Variants in ZNF516 observed in about 807,000 individuals in gnomAD.
ZNF516 encodes the protein zinc finger protein 516.
Under a neutral mutation model 79.7 loss-of-function variants are expected in ZNF516, and 19 were observed. The ratio of observed to expected loss-of-function variants is 0.24; its 90% CI spans 0.17 to 0.35. The LOEUF is 0.35. ZNF516 is among the 10% of genes least tolerant of loss of function. The probability of loss-of-function intolerance (pLI) is 1.00; values close to 1 mark genes in which losing one functional copy is unlikely to be tolerated. For synonymous variants in ZNF516, 877 were observed against 739.5 expected, an observed-to-expected ratio of 1.19 and a Z score of -3.02; for missense variants, 1,678 against 1,679.5, an observed-to-expected ratio of 1.00 and a Z score of 0.02.
chr18:76,491,913 G>C (rs981681484), intron 1 of ZNF516, among the ~76,000 whole-genome samples: 1 of 152,222 alleles, frequency 6.6e-6, no homozygotes. Flanking sequence ...GGTGGAACTC[G>C]GGCTGGGGGG....
rs1226441099 is a variant in ZNF516 at position 76,358,774 on chromosome 18, C to CT, written c.*3723dup. Reference sequence around the variant, plus strand: ...CTGGGGGTGGCAGAGGAGGGTTTGTCTAGTTTGAAGGAAGGAATGTTGGTA... The same window carrying CT: ...CTGGGGGTGGCAGAGGAGGGTTTGTCTTAGTTTGAAGGAAGGAATGTTGGTA... On this transcript the variant is annotated 3_prime_UTR_variant, in exon 7 of 7. Coordinates refer to ENST00000443185, the MANE Select transcript of ZNF516 (RefSeq NM_014643.4). The CT allele has an allele frequency of 6.6e-6, 1 of 152,152 alleles. No homozygotes were observed. The highest frequency in any genetic ancestry group is 1.9e-4 in the East Asian group (1 of 5,200). The allele number at this position is 152,152 out of a possible 1,614,324, so 9.4% of individuals were successfully genotyped here. A position where few individuals can be genotyped will look rare whatever the true frequency, so the allele number is the denominator to read the frequency against.
intron 1 of ZNF516, among the ~76,000 whole-genome samples, chr18:76,480,764 C>T (rs985024581): frequency 1.3e-5 from 2 of 152,106 alleles, no homozygotes; most frequent in Non-Finnish European, 2.9e-5. Context: ...TCAAGTGATC[C>T]GCCCACCTCG....
chr18:76,402,606 C>T (rs191241347), intron 3 of ZNF516, among the ~76,000 whole-genome samples: 1 of 152,348 alleles, frequency 6.6e-6, no homozygotes, highest in Admixed American at 6.5e-5. Flanking sequence ...CGGGCACTCA[C>T]GGACAGTCGT....
rs2144852187 is a variant in ZNF516 at position 76,361,047 on chromosome 18, A to G, written c.*1451T>C. ...TAAAATTATTGCTTTTTTGAAAAATATATTTAGCATGCTCGTTTTAATCCA... is the reference window on the plus strand; with the variant it reads ...TAAAATTATTGCTTTTTTGAAAAATGTATTTAGCATGCTCGTTTTAATCCA... On this transcript the variant is annotated 3_prime_UTR_variant, in exon 7 of 7. Coordinates refer to ENST00000443185, the MANE Select transcript of ZNF516 (RefSeq NM_014643.4). 1 of 152,074 alleles carries G rather than the reference A, an allele frequency of 6.6e-6. No homozygotes were observed. The highest frequency in any genetic ancestry group is 3.4e-3 in the Middle Eastern group (1 of 294). 9.4% of individuals were successfully genotyped at this position (152,074 alleles called of 1,614,324 possible).
chr18:76,365,149 T>A (rs1568227804), intron 6 of ZNF516, among the ~76,000 whole-genome samples: 3 of 152,356 alleles, frequency 2.0e-5, no homozygotes, highest in Non-Finnish European at 4.4e-5. Context: ...TAGGTCGCCA[T>A]TTGTTTTTTC....
intron 2 of ZNF516, among the ~76,000 whole-genome samples, chr18:76,452,182 C>T (rs1234818613): frequency 3.3e-5 from 5 of 152,208 alleles, no homozygotes; most frequent in African/African-American, 7.2e-5. Context: ...CCAGCAGCAA[C>T]GCGGCCCCCT....
Position 76,363,602 on chromosome 18 carries a change from C to A in ZNF516, c.3433-1045G>T, listed in dbSNP as rs148379427. Among the ~76,000 whole-genome samples, 3 of 152,198 alleles carry A rather than the reference C, an allele frequency of 2.0e-5. No homozygotes were observed. In the East Asian group the frequency reaches 5.8e-4, roughly 29 times the overall value. ...AGCAGTTTATTTGAAATGTAGGAAA[C>A]AGTAATGGAATGAGAGATGTGATAA... On this transcript the variant is annotated intron_variant, in intron 6 of 6. Coordinates refer to ENST00000443185, the MANE Select transcript of ZNF516 (RefSeq NM_014643.4).
chr18:76,439,306 T>C (rs937127651), intron 3 of ZNF516, among the ~76,000 whole-genome samples: 55 of 152,232 alleles, frequency 3.6e-4, no homozygotes, highest in African/African-American at 1.3e-3. Flanking sequence ...GATAGAAAGA[T>C]ACTGTCCTTT....
At chr18:76,479,670 T>C (rs747776737) in intron 1 of ZNF516, among the ~76,000 whole-genome samples, 6 of 152,244 alleles carry the variant, frequency 3.9e-5, no homozygotes, top group Non-Finnish European at 8.8e-5. Context: ...AGTTATCAAA[T>C]GCTGCACCAG....
chr18:76,400,101 G>A (rs1350840760), intron 3 of ZNF516, among the ~76,000 whole-genome samples: 1 of 152,120 alleles, frequency 6.6e-6, no homozygotes, highest in East Asian at 1.9e-4. Context: ...AGCAAACTCA[G>A]GCAGGAGGGT....
intron 1 of ZNF516, among the ~76,000 whole-genome samples, chr18:76,494,237 T>TCTA (rs1409428174): frequency 1.3e-5 from 2 of 152,226 alleles, no homozygotes; most frequent in African/African-American, 4.8e-5. Flanking sequence ...TTAATCTAAA[T>TCTA]ACTGATCGTA....
chr18:76,481,586 C>T (rs1914524834), intron 1 of ZNF516, among the ~76,000 whole-genome samples: 2 of 152,186 alleles, frequency 1.3e-5, no homozygotes, highest in African/African-American at 4.8e-5. Context: ...TGAAGTTACT[C>T]ACCTGTGCAG....
At chr18:76,373,916 G>A (rs2074746967) in intron 4 of ZNF516, among the ~76,000 whole-genome samples, 1 of 152,246 alleles carries the variant, frequency 6.6e-6, no homozygotes. Flanking sequence ...AGACCACCTG[G>A]TAAGCACGCA....
intron 6 of ZNF516, among the ~76,000 whole-genome samples, chr18:76,363,216 C>A (rs1257499456): frequency 6.6e-6 from 1 of 152,208 alleles, no homozygotes; most frequent in African/African-American, 2.4e-5. Flanking sequence ...ATAGCATTTA[C>A]AATCTGAGGA....
At chr18:76,483,517 C>G (rs1735442987) in intron 1 of ZNF516, among the ~76,000 whole-genome samples, 2 of 152,278 alleles carry the variant, frequency 1.3e-5, no homozygotes, top group Admixed American at 6.5e-5. Context: ...CACGGGTCAT[C>G]TGCCGCACCA....
At chr18:76,440,144 T>C (rs1174427438) in intron 3 of ZNF516, among the ~76,000 whole-genome samples, 2 of 152,246 alleles carry the variant, frequency 1.3e-5, no homozygotes, top group East Asian at 3.8e-4. Context: ...GAGAAAAGAC[T>C]TGCCTTCTAC....
intron 1 of ZNF516, among the ~76,000 whole-genome samples, chr18:76,477,540 G>T (rs1914245532): frequency 6.6e-6 from 1 of 152,146 alleles, no homozygotes; most frequent in Non-Finnish European, 1.5e-5. Context: ...TCTGTCCGGG[G>T]AAAAACAAGG....
intron 2 of ZNF516, among the ~76,000 whole-genome samples, chr18:76,447,665 C>T (rs149908444): frequency 3.3e-5 from 5 of 152,284 alleles, no homozygotes; most frequent in South Asian, 2.1e-4. Flanking sequence ...TGCAATATGG[C>T]GCCCACGCAC....
chr18:76,464,275 G>C (rs1320757891), intron 1 of ZNF516, among the ~76,000 whole-genome samples: 18 of 152,212 alleles, frequency 1.2e-4, no homozygotes, highest in Admixed American at 1.2e-3. Context: ...GGGAGGCTGA[G>C]GTAGAAGAAT....
Sources: gnomAD v4.1 joint callset for allele counts (sites outside exome capture counted in the v4.1 genomes callset) on GRCh38, gnomAD v4.1.1 for gene constraint, MANE v1.5 for transcripts, NCBI Gene and HGNC (gene_info 2026-07-23, HGNC 2026-07-21) for gene names.